MED12: variants seen among roughly 807,000 people sequenced by gnomAD.
MED12 encodes the protein mediator of RNA polymerase II transcription subunit 12.
Under a neutral mutation model 177.7 loss-of-function variants are expected in MED12, and 10 were observed. The observed-to-expected ratio is 0.06, with a 90% CI of 0.03 to 0.10. The LOEUF is 0.10. Among genes scored for constraint, MED12 ranks in the 10% least tolerant of loss-of-function variants. The pLI, the probability that MED12 is intolerant of heterozygous loss-of-function variation, is 1.00. For missense variants in MED12, 867 were observed against 1,780.8 expected, an observed-to-expected ratio of 0.49 and a Z score of 9.23; for synonymous variants, 641 against 678.4, an observed-to-expected ratio of 0.94 and a Z score of 0.86.
Position 71,137,628 on chromosome X carries a change from C to T in MED12, c.5819C>T (p.Thr1940Ile). Residue 1940 changes from threonine to isoleucine, a missense_variant, in exon 40 of 45, where the codon ACT (threonine) becomes ATT (isoleucine). Physicochemically the swap from Thr to Ile is moderately conservative, Grantham distance 89. This residue lies in a region of MED12 where 236 missense variants were observed against 345.2 expected (regional missense o/e 0.68). Coordinates refer to ENST00000374080, the MANE Select transcript of MED12 (RefSeq NM_005120.3). ...MTPSSSYGLQTSQGYTPYVSH... is the reference protein window; with the variant it reads ...MTPSSSYGLQISQGYTPYVSH... ...CCCAGCTCTTCCTACGGTTTGCAGA[C>T]TTCCCAGGTAAGAGCCTGGGATTGT... The T allele has an allele frequency of 8.3e-7, 1 of 1,208,916 alleles. No individual in the cohort carries two copies. Among genetic ancestry groups the T allele is most frequent in the Non-Finnish European group, 1.1e-6 (1 of 893,305 alleles).
rs2092285947 is a variant in MED12, at chrX:71,120,228, C to A, written c.553+58C>A. ...ATGGCTTCAAGGAGTGATAGAGACA[C>A]CCTTGGAACCATCCTCCTTCTTAAT... On this transcript the variant is annotated intron_variant, in intron 4 of 44. Transcript: ENST00000374080. 5.5e-6 allele frequency: 6 copies of A among 1,081,856 alleles called. No individual in the cohort carries two copies. In the East Asian group the frequency reaches 1.8e-4, roughly 33 times the overall value. The allele number at this position is 1,081,856 out of a possible 1,213,427, so 89.2% of individuals were successfully genotyped here.
intron 19 of MED12, 21 bp from the exon 20 acceptor site, chrX:71,126,948 C>T (rs949652266): frequency 2.5e-6 from 3 of 1,205,096 alleles, no homozygotes; most frequent in African/African-American, 3.5e-5. Context: ...TTGCATTTCT[C>T]ACCCCCGTTT....
At position 71,126,989 on chromosome X, in the gene MED12, A is replaced by G. The variant is rs1384377783; in HGVS notation, c.2706A>G (p.Val902=). The G allele has an allele frequency of 5.0e-6, 6 of 1,210,845 alleles. No homozygotes were observed. Among genetic ancestry groups the G allele is most frequent in the Non-Finnish European group, 4.5e-6 (4 of 894,645 alleles). ...GCTAGCTGCTGAATGAACTGAGTGT[A>G]GTTGAGGCTGAGCTGCTTCTCAAAT... is the stretch of plus-strand genomic sequence containing the variant. The part of the protein sequence containing the change: ...FAIQLLNELS[V]VEAELLLKSS... Residue 902 remains valine (V), a synonymous_variant, in exon 20 of 45, where the codon GTA becomes GTG. Coordinates refer to ENST00000374080, the MANE Select transcript of MED12 (RefSeq NM_005120.3).
At position 71,123,145 on chromosome X, in the gene MED12, C is replaced by T. The variant is rs942361290; in HGVS notation, c.1536C>T (p.Val512=). The T allele has an allele frequency of 2.5e-6, 3 of 1,211,130 alleles. No homozygotes were observed. The highest frequency in any genetic ancestry group is 3.4e-6 in the Non-Finnish European group (3 of 895,075). The change falls in exon 11 of 45, where the codon GTC becomes GTT. Residue 512 remains valine (V), a synonymous_variant. Coordinates refer to ENST00000374080, the MANE Select transcript of MED12 (RefSeq NM_005120.3). The stretch of plus-strand genomic sequence containing the variant: ...TGTCATTGCTATGTGAATGGGCTGT[C>T]AGCTGCAAGCGTTCTGGTCGGCATC... ...AVVSLLCEWA[V]SCKRSGRHRA...
intron 42 of MED12, 103 bp from the exon 43 acceptor site, chrX:71,141,127 C>T (rs1312309568): frequency 1.9e-5 from 22 of 1,152,955 alleles, no homozygotes; most frequent in Non-Finnish European, 2.2e-5. Flanking sequence ...CAGTAGACCC[C>T]GAGCTCCCAC....
chrX:71,134,083 T>C (rs988471975), intron 33 of MED12, among the ~76,000 whole-genome samples: 1 of 109,150 alleles, frequency 9.2e-6, no homozygotes, highest in Non-Finnish European at 1.9e-5. Flanking sequence ...CAAAAAAAAT[T>C]AGCTGGGCGT....
In MED12 at chrX:71,126,082, C is replaced by T. The variant is rs2147795677; in HGVS notation, c.2469C>T (p.Phe823=). 8.3e-7 allele frequency: 1 copy of T among 1,211,528 alleles called. No individual in the cohort carries two copies. Among genetic ancestry groups the T allele is most frequent in the Non-Finnish European group, 1.1e-6 (1 of 895,160 alleles). ...GGCGACGCAACCGGCCTGAAGCCTTCCCCACTGCTGAAGATATCTTTGCTA... is the reference window on the plus strand; with the variant it reads ...GGCGACGCAACCGGCCTGAAGCCTTTCCCACTGCTGAAGATATCTTTGCTA... ...QKRRRNRPEA[F]PTAEDIFAKF... The change falls in exon 18 of 45, where the codon TTC becomes TTT. Residue 823 remains phenylalanine (F), a synonymous_variant. Transcript: ENST00000374080.
intron 41 of MED12, among the ~76,000 whole-genome samples, chrX:71,140,080 C>T (rs866152453): frequency 4.5e-5 from 4 of 88,629 alleles, no homozygotes; most frequent in South Asian, 5.0e-4. Context: ...TCTTTTCTTT[C>T]TTTTTTTTTT....
chrX:71,128,546 T>C, intron 23 of MED12, 52 bp from the exon 24 acceptor site: 4 of 1,209,710 alleles, frequency 3.3e-6, no homozygotes, highest in Non-Finnish European at 4.5e-6. Context: ...GGCACACCGC[T>C]TTGAGTGGGC....
chrX:71,141,695 C>T (rs1206608786), intron 43 of MED12, among the ~76,000 whole-genome samples, 188 bp from the exon 44 acceptor site: 1 of 110,561 alleles, frequency 9.0e-6, no homozygotes, highest in Non-Finnish European at 1.9e-5. Flanking sequence ...CTCAGCTACT[C>T]AAGAGGCTGA....
At chrX:71,126,221 A>C in intron 18 of MED12, 67 bp downstream of exon 18, 1 of 1,155,574 alleles carries the variant, frequency 8.7e-7, no homozygotes, top group Non-Finnish European at 1.2e-6. Flanking sequence ...TTTCTTCCCT[A>C]TCTTCTCCCT....
At position 71,129,838 on chromosome X, in the gene MED12, C is replaced by T; in HGVS notation, c.3850C>T (p.Arg1284Cys). Residue 1284 changes from arginine (R) to cysteine (C), a missense_variant, in exon 27 of 45, where the codon CGC (arginine) becomes TGC (cysteine). Physicochemically the swap from Arg to Cys is radical, Grantham distance 180 (BLOSUM62 -3). Coordinates refer to ENST00000374080, the MANE Select transcript of MED12 (RefSeq NM_005120.3). ...SLDVYAKYVL[R>C]SICQQEWVGE... is the part of the protein sequence containing the mutation. Reference sequence around the variant, plus strand: ...GGATGTCTATGCCAAGTACGTGCTGCGCAGCATCTGCCAACAGGTCAGTTT... The same window carrying T: ...GGATGTCTATGCCAAGTACGTGCTGTGCAGCATCTGCCAACAGGTCAGTTT... The T allele has an allele frequency of 8.3e-7, 1 of 1,211,664 alleles. No individual in the cohort carries two copies.
intron 21 of MED12, 131 bp from the exon 22 acceptor site, chrX:71,127,762 C>A: frequency 1.8e-6 from 1 of 554,502 alleles, no homozygotes; most frequent in South Asian, 2.5e-5. Context: ...TTTGTCCCAT[C>A]TCCCTTTTCT....
Position 71,134,851 on chromosome X carries a change from A to G in MED12, c.4863+3A>G. ...TGAACCTGGCGAAGAAGTTGCAGGT[A>G]AGCAGAGGAAGCGGGGGCAAGGTTT... On this transcript the variant is annotated splice_donor_region_variant and intron_variant, in intron 35 of 44. Coordinates refer to ENST00000374080, the MANE Select transcript of MED12 (RefSeq NM_005120.3). 1 of 1,211,189 alleles carries G rather than the reference A, an allele frequency of 8.3e-7. No individual in the cohort carries two copies. Among genetic ancestry groups the G allele is most frequent in the Non-Finnish European group, 1.1e-6 (1 of 895,423 alleles).
intron 4 of MED12, among the ~76,000 whole-genome samples, 164 bp downstream of exon 4, chrX:71,120,334 A>G (rs1237646179): frequency 2.7e-5 from 3 of 109,461 alleles, no homozygotes; most frequent in African/African-American, 1.0e-4. Context: ...CTGTGCGCAT[A>G]TACTGGGCTA....
chrX:71,126,250 C>T (rs1210872833), intron 18 of MED12, 91 bp from the exon 19 acceptor site: 2 of 1,171,076 alleles, frequency 1.7e-6, no homozygotes, highest in Non-Finnish European at 1.2e-6. Flanking sequence ...GGCTAAGCCT[C>T]CTGGTCTCAT....
chrX:71,120,615 AT>A (rs375403373), intron 4 of MED12, among the ~76,000 whole-genome samples: 41 of 101,234 alleles, frequency 4.1e-4, no homozygotes, highest in Admixed American at 4.3e-4. Context: ...AAGTAGAAGG[AT>A]TTTTTTTTTT....
At chrX:71,131,965 T>G (rs759038509) in intron 29 of MED12, 108 bp from the exon 30 acceptor site, 3 of 728,686 alleles carry the variant, frequency 4.1e-6, no homozygotes, top group Non-Finnish European at 6.5e-6. Flanking sequence ...TCCCCATCAA[T>G]CTCCGCCAGT....
Position 71,137,587 on chromosome X carries a change from T to C in MED12, c.5778T>C (p.Ser1926=), listed in dbSNP as rs758530859. 8.3e-6 allele frequency: 10 copies of C among 1,208,706 alleles called. No homozygotes were observed. In the African/African-American group the frequency reaches 1.1e-4, roughly 13 times the overall value. ...QQSQGMLGQS[S]VHQMTPSSSY... The stretch of plus-strand genomic sequence containing the variant: ...GTCAGGGCATGTTGGGACAGTCATC[T>C]GTCCATCAGATGACTCCCAGCTCTT... The change falls in exon 40 of 45, where the codon TCT becomes TCC. Residue 1926 remains serine, a synonymous_variant. Transcript: ENST00000374080.
Sources: gnomAD v4.1 joint callset for allele counts (sites outside exome capture counted in the v4.1 genomes callset) on GRCh38, gnomAD v4.1.1 for gene constraint, gnomAD v4.1.1 regional missense constraint, MANE v1.5 for transcripts, NCBI Gene and HGNC (gene_info 2026-07-23, HGNC 2026-07-21) for gene names.